ZNF827: variants seen among roughly 807,000 people sequenced by gnomAD.
ZNF827 encodes zinc finger protein 827.
Under a neutral mutation model 102.4 loss-of-function variants are expected in ZNF827, and 13 were observed. The ratio of observed to expected loss-of-function variants is 0.13; its 90% CI spans 0.08 to 0.20. The LOEUF (loss-of-function observed/expected upper bound fraction) is 0.20, where lower values mean the gene tolerates loss of function less well. Among genes scored for constraint, ZNF827 ranks in the 10% least tolerant of loss-of-function variants. The pLI is 1.00. For synonymous variants in ZNF827, 523 were observed against 536.2 expected, an observed-to-expected ratio of 0.98 and a Z score of 0.34; for missense variants, 1,103 against 1,344.4, an observed-to-expected ratio of 0.82 and a Z score of 2.81.
chr4:145,937,136 T>TG (rs1341081436), intron 1 of ZNF827, among the ~76,000 whole-genome samples: 1 of 151,298 alleles, frequency 6.6e-6, no homozygotes, highest in African/African-American at 2.4e-5. Context: ...GGAGAAAGAC[T>TG]GGGGGGTTGG....
chr4:145,814,695 G>A (rs924904131), intron 8 of ZNF827, among the ~76,000 whole-genome samples: 3 of 151,122 alleles, frequency 2.0e-5, no homozygotes, highest in South Asian at 2.1e-4. Flanking sequence ...AGGCCGAGGC[G>A]GGCGGATCAC....
Position 145,902,342 on chromosome 4 carries a change from T to G in ZNF827, c.917A>C (p.Lys306Thr). ...AGGGTCCTCAGGCAGCAGCGATGAT[T>G]TCTCAGCCAGAAGACTGCCCGCAGC... ...ARAAGSLLAE[K>T]SSLLPEDPLP... Residue 306 changes from lysine to threonine, a missense_variant, in exon 2 of 15, where the codon AAA becomes ACA. By Grantham distance (78) the Lys-to-Thr change is moderately conservative (BLOSUM62 -1). This residue lies in a region of ZNF827 where 441 missense variants were observed against 458.6 expected (regional missense o/e 0.96). Coordinates refer to ENST00000508784, the MANE Select transcript of ZNF827 (RefSeq NM_001306215.2). The surrounding 1 kb of genome is among the most constrained non-coding windows in gnomAD (Gnocchi z 4.3). 6.2e-7 allele frequency: 1 copy of G among 1,606,572 alleles called. No individual in the cohort carries two copies. Among genetic ancestry groups the G allele is most frequent in the Non-Finnish European group, 8.5e-7 (1 of 1,175,722 alleles).
intron 1 of ZNF827, among the ~76,000 whole-genome samples, chr4:145,926,410 A>C (rs1251895440): frequency 6.6e-6 from 1 of 152,204 alleles, no homozygotes; most frequent in African/African-American, 2.4e-5. Flanking sequence ...TCTTGTGAGC[A>C]GTTTATCAAT....
chr4:145,779,201 A>G (rs557154596), intron 9 of ZNF827, among the ~76,000 whole-genome samples, 173 bp downstream of exon 9: 5 of 152,362 alleles, frequency 3.3e-5, no homozygotes, highest in African/African-American at 4.8e-5. Flanking sequence ...TTCAATACAA[A>G]TAAAAAAGCC....
intron 1 of ZNF827, among the ~76,000 whole-genome samples, chr4:145,914,522 G>A (rs1401498411): frequency 6.6e-6 from 1 of 152,204 alleles, no homozygotes; most frequent in Non-Finnish European, 1.5e-5. Context: ...ACTAGGCTTT[G>A]TGCCAGGGCT....
chr4:145,769,655 G>C (rs529379710), intron 11 of ZNF827, among the ~76,000 whole-genome samples: 78 of 152,240 alleles, frequency 5.1e-4, no homozygotes, highest in African/African-American at 1.7e-3. Context: ...TGCTATGTCT[G>C]TGGAAAGAGC....
chr4:145,780,293 C>T (rs1028961385), intron 8 of ZNF827, among the ~76,000 whole-genome samples: 17 of 152,206 alleles, frequency 1.1e-4, no homozygotes, highest in Admixed American at 6.5e-4. Context: ...AATATGCTTT[C>T]ATTCTCTTTA....
At position 145,765,160 on chromosome 4, in the gene ZNF827, C is replaced by T. The variant is rs1230534189; in HGVS notation, c.3058G>A (p.Glu1020Lys). 7.5e-6 allele frequency: 12 copies of T among 1,606,602 alleles called. No homozygotes were observed. The highest frequency in any genetic ancestry group is 3.3e-4 in the Middle Eastern group (2 of 6,010). ...CAGACAAAGTTGCAAAAAACACATT[C>T]GAACCCTGCAAGGACCGAAGCTGGG... is the stretch of plus-strand genomic sequence containing the variant. The part of the protein sequence containing the change: ...NSEEKPEKGF[E>K]CVFCNFVCKT... The change falls in exon 13 of 15, where the codon GAA becomes AAA. Residue 1020 changes from glutamate to lysine, a missense_variant. Physicochemically the swap from Glu to Lys is moderately conservative, Grantham distance 56. This residue lies in a region of ZNF827 where 242 missense variants were observed against 361.9 expected (regional missense o/e 0.67). Transcript: ENST00000508784. This position sits in a 1 kb window ranked among gnomAD's most constrained non-coding sequence, Gnocchi z 4.7.
intron 1 of ZNF827, among the ~76,000 whole-genome samples, chr4:145,915,418 AC>A (rs1752596777): frequency 1.3e-5 from 2 of 151,938 alleles, no homozygotes; most frequent in African/African-American, 4.8e-5. Context: ...TTGCACTCCA[AC>A]CCAGGCAACA....
chr4:145,845,872 G>T, intron 7 of ZNF827, 84 bp downstream of exon 7: 1 of 1,399,566 alleles, frequency 7.1e-7, no homozygotes, highest in South Asian at 1.2e-5. Context: ...GGGAGAAAGA[G>T]GTTTGGGGAG....
intron 11 of ZNF827, 133 bp downstream of exon 11, chr4:145,774,372 TG>T: frequency 1.0e-6 from 1 of 990,098 alleles, no homozygotes; most frequent in Admixed American, 2.5e-5. Flanking sequence ...TTTCATGCCT[TG>T]GGAAAGTCCT....
intron 7 of ZNF827, among the ~76,000 whole-genome samples, chr4:145,841,611 C>G (rs1199861536): frequency 6.6e-6 from 1 of 152,194 alleles, no homozygotes; most frequent in Non-Finnish European, 1.5e-5. Context: ...CCACAGCCTT[C>G]TTTACACTTG....
At chr4:145,919,564 T>C (rs1561080340) in intron 1 of ZNF827, among the ~76,000 whole-genome samples, 2 of 152,236 alleles carry the variant, frequency 1.3e-5, no homozygotes, top group Admixed American at 6.5e-5. Context: ...GATGTTTATT[T>C]AACAAAAATT....
chr4:145,764,738 T>A, intron 13 of ZNF827: 1 of 530,556 alleles, frequency 1.9e-6, no homozygotes. Flanking sequence ...TGTTTCAACG[T>A]GTCTTTTTTC....
chr4:145,841,711 A>G (rs1471912538), intron 7 of ZNF827, among the ~76,000 whole-genome samples: 6 of 152,224 alleles, frequency 3.9e-5, no homozygotes, highest in Non-Finnish European at 5.9e-5. Flanking sequence ...GACTGATTCA[A>G]TGGGAAGTGC....
chr4:145,837,133 C>G (rs1465850178), intron 7 of ZNF827, among the ~76,000 whole-genome samples: 1 of 152,166 alleles, frequency 6.6e-6, no homozygotes, highest in African/African-American at 2.4e-5. Flanking sequence ...GCCTTCCCAC[C>G]TCAATACAGT....
At position 145,806,321 on chromosome 4, in the gene ZNF827, T is replaced by A. The variant is rs953121620; in HGVS notation, c.2383+17101A>T. Among the ~76,000 whole-genome samples, 41 of 151,676 alleles carry A rather than the reference T, an allele frequency of 2.7e-4. 1 individual carries two copies. The highest frequency in any genetic ancestry group is 9.5e-4 in the African/African-American group (39 of 41,242). Reference sequence around the variant, plus strand: ...CACACTCCACCACGCCCAGCTACTTTTTTTTTGTATTTTTGGTAAAGATGG... The same window carrying A: ...CACACTCCACCACGCCCAGCTACTTATTTTTTGTATTTTTGGTAAAGATGG... On this transcript the variant is annotated intron_variant, in intron 8 of 14. Coordinates refer to ENST00000508784, the MANE Select transcript of ZNF827 (RefSeq NM_001306215.2).
intron 4 of ZNF827, among the ~76,000 whole-genome samples, chr4:145,884,561 CT>C (rs768421938): frequency 8.5e-5 from 13 of 152,148 alleles, no homozygotes; most frequent in Admixed American, 6.5e-5. Context: ...CCCCCTACAT[CT>C]CCTTTAAAAT....
intron 5 of ZNF827, among the ~76,000 whole-genome samples, chr4:145,863,622 A>G (rs13124853): frequency 0.41 from 62,519 of 152,004 alleles, 13,590 homozygotes; most frequent in Admixed American, 0.53. Flanking sequence ...TAAGTGAGAG[A>G]AGCCAGACAC....
Sources: allele counts gnomAD v4.1 joint callset (sites outside exome capture counted in the v4.1 genomes callset), GRCh38; gene constraint gnomAD v4.1.1; regional missense constraint gnomAD v4.1.1; non-coding constraint Gnocchi (gnomAD v3.1); transcripts MANE v1.5; gene names NCBI Gene and HGNC (gene_info 2026-07-23, HGNC 2026-07-21).